The following SLC9A7 variants were observed in gnomAD, a reference collection of about 807,000 sequenced individuals.
The protein encoded by SLC9A7 is sodium/hydrogen exchanger 7.
SLC9A7 carries 19 observed loss-of-function variants against 52.6 expected under a neutral mutation model. That is an observed-to-expected ratio of 0.36 (90% CI 0.25 to 0.53). The LOEUF is 0.53. SLC9A7 is among the 20% of genes least tolerant of loss of function. SLC9A7 has a pLI of 0.91. For synonymous variants in SLC9A7, 226 were observed against 252.1 expected (o/e 0.90, Z 0.98); for missense variants, 455 against 597.9 (o/e 0.76, Z 2.49).
At chrX:46,710,274 G>C (rs1944667328) in intron 1 of SLC9A7, among the ~76,000 whole-genome samples, 1 of 111,869 alleles carries the variant, frequency 8.9e-6, no homozygotes, top group Non-Finnish European at 1.9e-5. Flanking sequence ...AGTGAAAGCA[G>C]GGACAAGTGG....
intron 12 of SLC9A7, among the ~76,000 whole-genome samples, chrX:46,640,219 C>A (rs1385226065): frequency 1.8e-5 from 2 of 112,106 alleles, no homozygotes; most frequent in African/African-American, 6.5e-5. Flanking sequence ...AGGATAGACA[C>A]ATAAACCAAT....
chrX:46,724,662 C>G (rs1487926126), intron 1 of SLC9A7, among the ~76,000 whole-genome samples: 1 of 111,185 alleles, frequency 9.0e-6, no homozygotes, highest in Non-Finnish European at 1.9e-5. Context: ...ATATTGGACA[C>G]AGTAATGATT....
chrX:46,699,785 G>A (rs1047777573), intron 1 of SLC9A7, among the ~76,000 whole-genome samples: 6 of 111,057 alleles, frequency 5.4e-5, no homozygotes, highest in South Asian at 3.8e-4. Context: ...GCACCCATAC[G>A]TACTCTTAAA....
At chrX:46,611,089 T>C (rs1942840241) in intron 16 of SLC9A7, among the ~76,000 whole-genome samples, 2 of 111,426 alleles carry the variant, frequency 1.8e-5, no homozygotes, top group Non-Finnish European at 3.8e-5. Context: ...GAAGTGGAAA[T>C]GCCGTCAGCA....
chrX:46,608,007 C>G (rs1324497804), intron 16 of SLC9A7, among the ~76,000 whole-genome samples: 1 of 112,291 alleles, frequency 8.9e-6, no homozygotes, highest in Non-Finnish European at 1.9e-5. Context: ...GATTTTTTCT[C>G]TCCTGTTTCC....
chrX:46,722,948 T>C (rs2017225388), intron 1 of SLC9A7, among the ~76,000 whole-genome samples: 1 of 111,845 alleles, frequency 8.9e-6, no homozygotes, highest in South Asian at 3.7e-4. Context: ...AAAACACAAC[T>C]TGATCAACCT....
chrX:46,744,661 C>T lies in SLC9A7; in HGVS notation c.325+14044G>A, dbSNP rs1223545392. ...TGAAAGACTACCTCTGGGACATTTA[C>T]TATCTCAGTAACATGTTAAGTTTAA... On this transcript the variant is annotated intron_variant, in intron 1 of 16. Coordinates refer to ENST00000616978, the MANE Select transcript of SLC9A7 (RefSeq NM_001257291.2). Among the ~76,000 whole-genome samples the T allele has an allele frequency of 8.0e-5, 9 of 112,210 alleles. No homozygotes were observed. In the Admixed American group the frequency reaches 8.5e-4, roughly 11 times the overall value.
At chrX:46,642,927 C>T (rs1943429014) in intron 12 of SLC9A7, among the ~76,000 whole-genome samples, 2 of 111,876 alleles carry the variant, frequency 1.8e-5, no homozygotes, top group Admixed American at 1.9e-4. Flanking sequence ...TATTTTCTCT[C>T]CCGCAGCTTT....
intron 1 of SLC9A7, among the ~76,000 whole-genome samples, chrX:46,694,048 G>A (rs2146898984): frequency 9.0e-6 from 1 of 111,068 alleles, no homozygotes; most frequent in African/African-American, 3.3e-5. Context: ...GGACTACTTG[G>A]GTGGAAAGAT....
intron 16 of SLC9A7, among the ~76,000 whole-genome samples, chrX:46,612,924 C>CAAAAAAAAAA (rs57833520): frequency 1.5e-4 from 5 of 32,479 alleles, no homozygotes; most frequent in African/African-American, 3.6e-4. Context: ...GACTCCGTCT[C>CAAAAAAAAAA]AAAAAAAAAA....
chrX:46,661,605 T>C (rs2033783343), intron 7 of SLC9A7, among the ~76,000 whole-genome samples: 1 of 110,789 alleles, frequency 9.0e-6, no homozygotes, highest in Non-Finnish European at 1.9e-5. Context: ...GGCCACTAAC[T>C]AGCTATCGCC....
rs1243928790 is a variant in SLC9A7 at position 46,758,956 on chromosome X, A to G, written c.74T>C (p.Leu25Pro). The G allele has an allele frequency of 6.2e-5, 65 of 1,055,963 alleles. No individual in the cohort carries two copies. Among genetic ancestry groups the G allele is most frequent in the Non-Finnish European group, 7.7e-5 (63 of 823,455 alleles). 87.0% of individuals were successfully genotyped at this position (1,055,963 alleles called of 1,213,427 possible). Residue 25 changes from leucine (L) to proline (P), a missense_variant, in exon 1 of 17, where the codon CTG becomes CCG. Leu to Pro is a moderately conservative substitution (Grantham distance 98). Transcript: ENST00000616978. ...CAGCCCCCAACCCAGCAGCAGCGGC[A>G]GCAGCAGCAGCCGCGGCGGCGGCGC... ...TGAPPPRLLLLPLLLGWGLRV... is the reference protein window; with the variant it reads ...TGAPPPRLLLPPLLLGWGLRV...
chrX:46,723,945 T>A (rs775584944), intron 1 of SLC9A7, among the ~76,000 whole-genome samples: 1 of 109,589 alleles, frequency 9.1e-6, no homozygotes, highest in Non-Finnish European at 1.9e-5. Flanking sequence ...AAAAAAAAAA[T>A]AGCTGGGCGT....
At chrX:46,716,721 A>G (rs779566398) in intron 1 of SLC9A7, among the ~76,000 whole-genome samples, 5 of 112,697 alleles carry the variant, frequency 4.4e-5, no homozygotes, top group Non-Finnish European at 7.5e-5. Flanking sequence ...GACGATTCTG[A>G]TATCAATAGG....
chrX:46,651,848 G>A (rs868541049), intron 8 of SLC9A7, among the ~76,000 whole-genome samples: 6 of 101,165 alleles, frequency 5.9e-5, no homozygotes, highest in Admixed American at 1.1e-4. Flanking sequence ...AAAAAAAAAA[G>A]AAAAAGAAAA....
intron 3 of SLC9A7, among the ~76,000 whole-genome samples, chrX:46,673,210 G>A (rs1293793154): frequency 9.0e-6 from 1 of 111,708 alleles, no homozygotes; most frequent in South Asian, 3.7e-4. Context: ...GTGGAGAAAT[G>A]AGAAACAGAT....
rs6609429 is a variant in SLC9A7, at chrX:46,654,174, G to C, written c.1042-460C>G. On this transcript the variant is annotated intron_variant, in intron 7 of 16. Transcript: ENST00000616978. Reference sequence around the variant, plus strand: ...GGGACCCGAGGCAGGTGGATCACCTGAGGTCAGGAGTTCAAAACTAGTTTG... The same window carrying C: ...GGGACCCGAGGCAGGTGGATCACCTCAGGTCAGGAGTTCAAAACTAGTTTG... Among the ~76,000 whole-genome samples, 378 of 111,246 alleles carry C rather than the reference G, an allele frequency of 3.4e-3. 1 individual carries two copies. Among genetic ancestry groups the C allele is most frequent in the African/African-American group, 0.012 (366 of 30,562 alleles).
intron 16 of SLC9A7, among the ~76,000 whole-genome samples, chrX:46,609,952 C>T (rs1407318726): frequency 8.1e-5 from 9 of 110,630 alleles, no homozygotes; most frequent in Admixed American, 3.8e-4. Context: ...CGCTTGAACC[C>T]GGGAGGCAGA....
In SLC9A7 at chrX:46,626,252, T is replaced by C. The variant is rs182070963; in HGVS notation, c.1741-5193A>G. Among the ~76,000 whole-genome samples the C allele has an allele frequency of 2.5e-4, 28 of 112,688 alleles. No individual in the cohort carries two copies. In the East Asian group the frequency reaches 6.1e-3, roughly 25 times the overall value. Reference sequence around the variant, plus strand: ...ATGGAGCAGAAGAGTAAATAAATGATGTCACTTGATTTGGGCCTGATATGC... The same window carrying C: ...ATGGAGCAGAAGAGTAAATAAATGACGTCACTTGATTTGGGCCTGATATGC... On this transcript the variant is annotated intron_variant, in intron 14 of 16. Coordinates refer to ENST00000616978, the MANE Select transcript of SLC9A7 (RefSeq NM_001257291.2).
Sources: allele counts gnomAD v4.1 joint callset (sites outside exome capture counted in the v4.1 genomes callset), GRCh38; gene constraint gnomAD v4.1.1; transcripts MANE v1.5; gene names NCBI Gene and HGNC (gene_info 2026-07-23, HGNC 2026-07-21).